Variants in CACNA1F observed in about 807,000 individuals in gnomAD.
The protein encoded by CACNA1F is voltage-dependent L-type calcium channel subunit alpha-1F.
In CACNA1F, 59 loss-of-function variants were observed where a neutral mutation model predicts 143.8. The observed-to-expected ratio is 0.41, with a 90% CI of 0.33 to 0.51. CACNA1F has a LOEUF of 0.51. Among genes scored for constraint, CACNA1F ranks in the 20% least tolerant of loss-of-function variants. The pLI, the probability that CACNA1F is intolerant of heterozygous loss-of-function variation, is 0.22. For synonymous variants in CACNA1F, 643 were observed against 649.1 expected (o/e 0.99, Z 0.14); for missense variants, 1,411 against 1,647.5 (o/e 0.86, Z 2.48).
chrX:49,212,105 C>T, intron 34 of CACNA1F, 116 bp from the exon 35 acceptor site: 1 of 783,601 alleles, frequency 1.3e-6, no homozygotes, highest in Non-Finnish European at 2.0e-6. Flanking sequence ...CTGCTGATCT[C>T]ATTTCACAGA....
chrX:49,224,887 C>A lies in CACNA1F; in HGVS notation c.1751G>T (p.Arg584Leu), dbSNP rs781913575. The change falls in exon 14 of 48, where the codon CGC (arginine) becomes CTC (leucine). Residue 584 changes from arginine (R) to leucine (L), a missense_variant. Physicochemically the swap from Arg to Leu is moderately radical, Grantham distance 102. Transcript: ENST00000323022. ...PSAYVSSFFN[R>L]FDCFVVCGGI... The stretch of plus-strand genomic sequence containing the variant: ...CCCACAGACCACAAAGCAGTCAAAG[C>A]GGTTGAAGAAGGAAGACACATAGGC... 3 of 1,206,927 alleles carry A rather than the reference C, an allele frequency of 2.5e-6. No homozygotes were observed. The Admixed American group carries it at 6.5e-5, about 26-fold the overall frequency.
rs1438561114 is a variant in CACNA1F, at chrX:49,226,617, G to A, written c.1362C>T (p.Ser454=). 8.5e-7 allele frequency: 1 copy of A among 1,175,862 alleles called. No individual in the cohort carries two copies. Among genetic ancestry groups the A allele is most frequent in the African/African-American group, 1.8e-5 (1 of 56,261 alleles). Residue 454 remains serine (S), a synonymous_variant, in exon 10 of 48, where the codon AGC becomes AGT. Coordinates refer to ENST00000323022, the MANE Select transcript of CACNA1F (RefSeq NM_001256789.3). ...SHSTRSTHST[S]SHASLPASDT... is the part of the protein sequence containing the mutation. The stretch of plus-strand genomic sequence containing the variant: ...GCCTGGCTGGACCCCCACCATGGCT[G>A]CTGGTGGAGTGTGTGGAGCGAGTAG...
In CACNA1F at chrX:49,206,537, G is replaced by A. The variant is rs782034481; in HGVS notation, c.5446C>T (p.Arg1816Ter). ...TGAGCCCTATTGGGCCCTGAATTTCGCCCACGATGATAGGTGCCTGGGATG... is the reference window on the plus strand; with the variant it reads ...TGAGCCCTATTGGGCCCTGAATTTCACCCACGATGATAGGTGCCTGGGATG... ...LPIPGTYHRGRNSGPNRAQGS... is the reference protein window; with the variant it reads ...LPIPGTYHRG The change falls in exon 46 of 48, where the codon CGA becomes TGA. Residue 1816 changes from arginine (R) to a stop codon, truncating the protein, a stop_gained. Transcript: ENST00000323022. LOFTEE classifies it high-confidence loss of function. 4 of 1,204,541 alleles carry A rather than the reference G, an allele frequency of 3.3e-6. No homozygotes were observed. The highest frequency in any genetic ancestry group is 3.5e-5 in the South Asian group (2 of 56,687).
In CACNA1F at chrX:49,206,855, C is replaced by T. The variant is rs782598962; in HGVS notation, c.5232G>A (p.Arg1744=). The T allele has an allele frequency of 1.2e-5, 15 of 1,201,481 alleles. No individual in the cohort carries two copies. Among genetic ancestry groups the T allele is most frequent in the Middle Eastern group, 2.4e-4 (1 of 4,251 alleles). The part of the protein sequence containing the change: ...KQDEDEEVPD[R]LSYLDEQAGT... ...CTGCCTGCTCATCTAGGTAGGAAAG[C>T]CTGTGTGGGTGGGAGGGCCAGGGGT... Residue 1744 remains arginine (R), a splice_region_variant and synonymous_variant, in exon 45 of 48, where the codon CGG becomes CGA. Coordinates refer to ENST00000323022, the MANE Select transcript of CACNA1F (RefSeq NM_001256789.3).
intron 30 of CACNA1F, 27 bp downstream of exon 30, chrX:49,214,132 T>C (rs200751456): frequency 9.4e-6 from 9 of 961,610 alleles, no homozygotes; most frequent in Non-Finnish European, 1.3e-5. Context: ...CATCCACTGG[T>C]GGGTGGGGCT....
intron 18 of CACNA1F, 76 bp from the exon 19 acceptor site, chrX:49,220,600 T>C (rs2065765622): frequency 3.6e-6 from 3 of 832,092 alleles, no homozygotes; most frequent in African/African-American, 2.0e-5. Context: ...ATGGAAGAAA[T>C]GTAATAATAG....
rs139409733 is a variant in CACNA1F at position 49,208,621 on chromosome X, C to A, written c.5017G>T (p.Gly1673Trp). Reference sequence around the variant, plus strand: ...GAGAGTGAATCTGGAAGTCTGTCCCCGACAGGCAGAGACACAGAAATCCCG... The same window carrying A: ...GAGAGTGAATCTGGAAGTCTGTCCCAGACAGGCAGAGACACAGAAATCCCG... ...GSGISVSLPV[G>W]DRLPDSLSFG... The change falls in exon 43 of 48, where the codon GGG becomes TGG. Residue 1673 changes from glycine (G) to tryptophan (W), a missense_variant. This residue lies in a region of CACNA1F where 349 missense variants were observed against 350.2 expected (regional missense o/e 1.00). Transcript: ENST00000323022. The A allele has an allele frequency of 7.0e-4, 848 of 1,208,199 alleles. 4 individuals carry two copies. The African/African-American group carries it at 0.012, about 18-fold the overall frequency.
chrX:49,205,639 T>G lies in CACNA1F; in HGVS notation c.5647A>C (p.Ser1883Arg), dbSNP rs1557104676. 1 of 1,205,038 alleles carries G rather than the reference T, an allele frequency of 8.3e-7. No individual in the cohort carries two copies. Among genetic ancestry groups the G allele is most frequent in the Admixed American group, 2.2e-5 (1 of 45,490 alleles). ...HSDPSHGKRG[S>R]ADSLVEAVLI... is the part of the protein sequence containing the mutation. ...ACAGCCTCCACCAAGCTGTCGGCACTGCCCCTCTTCCCATGGCTGGGGTCC... is the reference window on the plus strand; with the variant it reads ...ACAGCCTCCACCAAGCTGTCGGCACGGCCCCTCTTCCCATGGCTGGGGTCC... The change falls in exon 47 of 48, where the codon AGT (serine) becomes CGT (arginine). Residue 1883 changes from serine (S) to arginine (R), a missense_variant. Coordinates refer to ENST00000323022, the MANE Select transcript of CACNA1F (RefSeq NM_001256789.3).
At chrX:49,205,439 C>T (rs2065584361) in intron 47 of CACNA1F, 72 bp from the exon 48 acceptor site, 7 of 902,421 alleles carry the variant, frequency 7.8e-6, no homozygotes, top group East Asian at 6.7e-5. Flanking sequence ...GGATAAATGA[C>T]GTGCCCATGA....
In CACNA1F at chrX:49,211,440, C is replaced by T. The variant is rs142157495; in HGVS notation, c.4142G>A (p.Ser1381Asn). ...AGGATCACACCGATTTCCGGGAAGGCTGGCAAGCATTATCTCCTGCCATGC... is the reference window on the plus strand; with the variant it reads ...AGGATCACACCGATTTCCGGGAAGGTTGGCAAGCATTATCTCCTGCCATGC... ...GEAWQEIMLA[S>N]LPGNRCDPES... The change falls in exon 36 of 48, where the codon AGC becomes AAC. Residue 1381 changes from serine to asparagine, a missense_variant. By Grantham distance (46) the Ser-to-Asn change is conservative (BLOSUM62 1). Around this residue, in one of 3 missense-constraint regions of CACNA1F, gnomAD observed 112 missense variants for 169.2 expected, o/e 0.66. Coordinates refer to ENST00000323022, the MANE Select transcript of CACNA1F (RefSeq NM_001256789.3). 1.8e-4 allele frequency: 215 copies of T among 1,208,690 alleles called. No homozygotes were observed. The highest frequency in any genetic ancestry group is 2.2e-4 in the Non-Finnish European group (196 of 894,149).
At position 49,211,904 on chromosome X, in the gene CACNA1F, A is replaced by G; in HGVS notation, c.4094T>C (p.Leu1365Pro). 8.3e-7 allele frequency: 1 copy of G among 1,209,708 alleles called. No homozygotes were observed. The change falls in exon 35 of 48, where the codon CTG becomes CCG. Residue 1365 changes from leucine (L) to proline (P), a missense_variant. By Grantham distance (98) the Leu-to-Pro change is moderately conservative. Coordinates refer to ENST00000323022, the MANE Select transcript of CACNA1F (RefSeq NM_001256789.3). ...GGGAGTGAGTAGATGTCACCTGAAC[A>G]GAAGCAGCACAGCCTGTGGAAAGGT... ...FQTFPQAVLL[L>P]FRCATGEAWQ...
rs1212301040 is a variant in CACNA1F, at chrX:49,230,227, C to T, written c.810G>A (p.Leu270=). The T allele has an allele frequency of 3.3e-6, 4 of 1,202,887 alleles. No individual in the cohort carries two copies. The highest frequency in any genetic ancestry group is 4.5e-6 in the Non-Finnish European group (4 of 890,098). Residue 270 remains leucine, a synonymous_variant, in exon 6 of 48, where the codon CTG becomes CTA. Coordinates refer to ENST00000323022, the MANE Select transcript of CACNA1F (RefSeq NM_001256789.3). ...LGRMHKTCYF[L]GSDMEAEEDP... ...AGGGGCGGGCAGACTAACCGGATCC[C>T]AGGAAGTAGCACGTCTTGTGCATTC...
chrX:49,206,469 C>T, intron 46 of CACNA1F, 42 bp downstream of exon 46: 1 of 854,348 alleles, frequency 1.2e-6, no homozygotes. Flanking sequence ...CTGCCCCCAT[C>T]TCTCCAGACC....
rs200285602 is a variant in CACNA1F at position 49,211,883 on chromosome X, G to C, written c.4100+15C>G. The C allele has an allele frequency of 9.2e-6, 11 of 1,190,949 alleles. No homozygotes were observed. The highest frequency in any genetic ancestry group is 8.8e-5 in the African/African-American group (5 of 56,959). On this transcript the variant is annotated intron_variant, in intron 35 of 47. Transcript: ENST00000323022. ...CCCACGGGCATAAGGTGGCAGGGGA[G>C]TGAGTAGATGTCACCTGAACAGAAG...
At chrX:49,221,406 C>T (rs1375122587) in intron 17 of CACNA1F, among the ~76,000 whole-genome samples, 1 of 111,662 alleles carries the variant, frequency 9.0e-6, no homozygotes, top group Non-Finnish European at 1.9e-5. Flanking sequence ...TCCATTCCAG[C>T]CTCACTGTTT....
chrX:49,210,555 C>T (rs2065647073), intron 38 of CACNA1F, 35 bp downstream of exon 38: 2 of 1,150,858 alleles, frequency 1.7e-6, no homozygotes, highest in Middle Eastern at 2.4e-4. Context: ...ATAGACAGTT[C>T]TCTCAGGAGC....
chrX:49,206,448 T>C, intron 46 of CACNA1F, 63 bp downstream of exon 46: 1 of 568,242 alleles, frequency 1.8e-6, no homozygotes, highest in Non-Finnish European at 2.9e-6. Flanking sequence ...GTTTGAGAAA[T>C]TCAGCCTAGG....
At chrX:49,218,068 C>A in intron 24 of CACNA1F, 63 bp from the exon 25 acceptor site, 1 of 850,411 alleles carries the variant, frequency 1.2e-6, no homozygotes. Flanking sequence ...GGGGCAGGGA[C>A]TCTGGTCATA....
chrX:49,226,663 C>T lies in CACNA1F; in HGVS notation c.1316G>A (p.Arg439His), dbSNP rs2065828185. Residue 439 changes from arginine (R) to histidine (H), a missense_variant, in exon 10 of 48, where the codon CGT becomes CAT. By Grantham distance (29) the Arg-to-His change is conservative (BLOSUM62 0). Around this residue, in one of 3 missense-constraint regions of CACNA1F, gnomAD observed 950 missense variants for 1,128.1 expected, o/e 0.84. Transcript: ENST00000323022. ...LAELTNRRRG[R>H]LRWFSHSTRS... Reference sequence around the variant, plus strand: ...AGTAGAATGACTGAACCAGCGCAGACGTCCACGCCTCCTATTGGTCAGCTC... The same window carrying T: ...AGTAGAATGACTGAACCAGCGCAGATGTCCACGCCTCCTATTGGTCAGCTC... 6 of 1,183,376 alleles carry T rather than the reference C, an allele frequency of 5.1e-6. No individual in the cohort carries two copies. The highest frequency in any genetic ancestry group is 6.8e-6 in the Non-Finnish European group (6 of 881,176).
Sources: allele counts gnomAD v4.1 joint callset (sites outside exome capture counted in the v4.1 genomes callset), GRCh38; gene constraint gnomAD v4.1.1; regional missense constraint gnomAD v4.1.1; transcripts MANE v1.5; gene names NCBI Gene and HGNC (gene_info 2026-07-23, HGNC 2026-07-21).